The following GRM7 variants were observed in gnomAD, a reference collection of about 807,000 sequenced individuals.
GRM7 encodes metabotropic glutamate receptor 7.
A neutral mutation model predicts 84.5 loss-of-function variants in GRM7; 35 were observed. That is an observed-to-expected ratio of 0.41 (90% CI 0.32 to 0.55). The LOEUF is 0.55. Ranked by LOEUF, GRM7 falls within the 20% of genes least tolerant of loss-of-function variation. The pLI is 0.19. For missense variants in GRM7, 1,003 were observed against 1,194.6 expected, an observed-to-expected ratio of 0.84 and a Z score of 2.36; for synonymous variants, 487 against 455.1, an observed-to-expected ratio of 1.07 and a Z score of -0.89.
At chr3:7,039,079 T>A (rs550048698) in intron 1 of GRM7, among the ~76,000 whole-genome samples, 42 of 152,342 alleles carry the variant, frequency 2.8e-4, no homozygotes, top group African/African-American at 1.0e-3. Flanking sequence ...TGAGGACCAC[T>A]GCTTTATACC....
At chr3:7,369,641 G>C (rs1174921314) in intron 4 of GRM7, among the ~76,000 whole-genome samples, 1 of 152,024 alleles carries the variant, frequency 6.6e-6, no homozygotes, top group East Asian at 1.9e-4. Flanking sequence ...ATTTTTTCTT[G>C]TAAGACTGTT....
At chr3:7,414,632 T>C (rs1282237671) in intron 4 of GRM7, among the ~76,000 whole-genome samples, 1 of 152,136 alleles carries the variant, frequency 6.6e-6, no homozygotes, top group Non-Finnish European at 1.5e-5. Context: ...CTAATTTGAC[T>C]AGAAAGTCAA....
chr3:7,693,718 C>T (rs933844485), intron 9 of GRM7: 1 of 1,403,848 alleles, frequency 7.1e-7, no homozygotes, highest in Non-Finnish European at 9.7e-7. Flanking sequence ...TCTAAGTGTC[C>T]TAAGGAAGCT....
At chr3:7,040,759 A>G (rs1696572309) in intron 1 of GRM7, among the ~76,000 whole-genome samples, 2 of 151,950 alleles carry the variant, frequency 1.3e-5, no homozygotes, top group South Asian at 4.2e-4. Context: ...TGCCACTCCA[A>G]GTTCCTGACT....
intron 2 of GRM7, among the ~76,000 whole-genome samples, chr3:7,266,599 C>T (rs1322652362): frequency 6.6e-6 from 1 of 152,100 alleles, no homozygotes; most frequent in African/African-American, 2.4e-5. Context: ...AAACAAAATG[C>T]CTTTTTTTTT....
chr3:7,318,362 A>G (rs1282553225), intron 4 of GRM7, among the ~76,000 whole-genome samples: 1 of 152,192 alleles, frequency 6.6e-6, no homozygotes, highest in East Asian at 1.9e-4. Context: ...AAACTCACCT[A>G]TGGGCTGTGA....
chr3:7,621,438 C>T (rs971545495), intron 8 of GRM7, among the ~76,000 whole-genome samples: 1 of 151,978 alleles, frequency 6.6e-6, no homozygotes, highest in African/African-American at 2.4e-5. Context: ...AAACGTGGAC[C>T]CTGCCAAAAG....
intron 1 of GRM7, among the ~76,000 whole-genome samples, chr3:7,016,953 A>G (rs1695588225): frequency 6.6e-6 from 1 of 152,302 alleles, no homozygotes. Context: ...GGCTGGTAGC[A>G]TGAGCATCAC....
intron 8 of GRM7, among the ~76,000 whole-genome samples, chr3:7,587,837 T>C (rs994451278): frequency 6.6e-6 from 1 of 152,126 alleles, no homozygotes; most frequent in Non-Finnish European, 1.5e-5. Context: ...AAGAATCCCT[T>C]AGAGCAAAAG....
chr3:7,716,158 G>T (rs3804821), intron 9 of GRM7, among the ~76,000 whole-genome samples: 9 of 151,894 alleles, frequency 5.9e-5, no homozygotes, highest in Non-Finnish European at 1.0e-4. Context: ...ATCATGCTGT[G>T]GGGGGGTGTT....
chr3:7,176,557 T>C (rs1695158043), intron 2 of GRM7, among the ~76,000 whole-genome samples: 1 of 152,234 alleles, frequency 6.6e-6, no homozygotes, highest in Admixed American at 6.5e-5. Context: ...AACTGAGTAA[T>C]CTACTCCTCT....
chr3:7,274,338 C>T (rs1323587953), intron 2 of GRM7, among the ~76,000 whole-genome samples: 2 of 151,846 alleles, frequency 1.3e-5, no homozygotes, highest in African/African-American at 4.8e-5. Flanking sequence ...CACTTTTAGT[C>T]CTTCTCCAGT....
At chr3:7,259,548 T>C (rs1698330551) in intron 2 of GRM7, among the ~76,000 whole-genome samples, 1 of 152,208 alleles carries the variant, frequency 6.6e-6, no homozygotes, top group Non-Finnish European at 1.5e-5. Context: ...TATTTGATTT[T>C]CTATTTCTAT....
chr3:7,388,724 G>T (rs1047315016), intron 4 of GRM7, among the ~76,000 whole-genome samples: 2 of 152,044 alleles, frequency 1.3e-5, no homozygotes, highest in South Asian at 4.1e-4. Context: ...TGTGTACATA[G>T]AGATGTTCAT....
chr3:7,474,482 C>A (rs376985383), intron 7 of GRM7, among the ~76,000 whole-genome samples: 2 of 151,450 alleles, frequency 1.3e-5, no homozygotes, highest in Admixed American at 6.6e-5. Context: ...AGTAACCCCC[C>A]ACCAAAAACA....
At chr3:7,133,813 G>A (rs116006219) in intron 1 of GRM7, among the ~76,000 whole-genome samples, 3,273 of 152,222 alleles carry the variant, frequency 0.022, 72 homozygotes, top group African/African-American at 0.062. Flanking sequence ...GGAAGGAGGC[G>A]GAGAGGTCAT....
At chr3:7,518,494 T>C (rs1271125194) in intron 7 of GRM7, among the ~76,000 whole-genome samples, 1 of 152,236 alleles carries the variant, frequency 6.6e-6, no homozygotes, top group Admixed American at 6.5e-5. Flanking sequence ...GGAAAAGGTT[T>C]CATATCAAGG....
chr3:7,310,699 G>C (rs753540618), intron 4 of GRM7, among the ~76,000 whole-genome samples: 31 of 152,174 alleles, frequency 2.0e-4, no homozygotes, highest in Admixed American at 6.5e-4. Context: ...GTGGCAGAGT[G>C]GGTTTCTGTC....
chr3:7,713,303 A>G (rs1701656396), intron 9 of GRM7, among the ~76,000 whole-genome samples: 1 of 151,110 alleles, frequency 6.6e-6, no homozygotes. Flanking sequence ...TGCCTGGCTA[A>G]TTTTCATATT....
Sources: allele counts gnomAD v4.1 joint callset (sites outside exome capture counted in the v4.1 genomes callset), GRCh38; gene constraint gnomAD v4.1.1; transcripts MANE v1.5; gene names NCBI Gene and HGNC (gene_info 2026-07-23, HGNC 2026-07-21).